The following SLC9B1 variants were observed in gnomAD, a reference collection of about 807,000 sequenced individuals.
SLC9B1 encodes sodium/hydrogen exchanger 9B1.
In SLC9B1, 32 loss-of-function variants were observed where a neutral mutation model predicts 51.7. That is an observed-to-expected ratio of 0.62 (90% confidence interval 0.47 to 0.83). SLC9B1 has a LOEUF of 0.83. SLC9B1 is among the 40% of genes least tolerant of loss of function. The pLI is 0.00. For missense variants in SLC9B1, 406 were observed against 613.2 expected, an observed-to-expected ratio of 0.66 and a Z score of 3.57; for synonymous variants, 145 against 212.7, an observed-to-expected ratio of 0.68 and a Z score of 2.77.
At chr4:103,018,760 C>T (rs1372956062) in intron 1 of SLC9B1, among the ~76,000 whole-genome samples, 1 of 152,106 alleles carries the variant, frequency 6.6e-6, no homozygotes, top group Non-Finnish European at 1.5e-5. Flanking sequence ...TTCCTTTTTC[C>T]TTCAAAAGCA....
chr4:102,993,387 T>A (rs1740050191), intron 1 of SLC9B1, among the ~76,000 whole-genome samples: 1 of 152,186 alleles, frequency 6.6e-6, no homozygotes, highest in Non-Finnish European at 1.5e-5. Flanking sequence ...AATGATCTCC[T>A]TTTACTCCAT....
At chr4:102,925,398 C>T (rs1736108257) in intron 7 of SLC9B1, among the ~76,000 whole-genome samples, 1 of 152,054 alleles carries the variant, frequency 6.6e-6, no homozygotes, top group Non-Finnish European at 1.5e-5. Context: ...ACACTGGGGC[C>T]TGTCATGGAG....
chr4:102,902,404 T>C (rs1156687604), intron 11 of SLC9B1, among the ~76,000 whole-genome samples: 1 of 152,164 alleles, frequency 6.6e-6, no homozygotes, highest in Non-Finnish European at 1.5e-5. Context: ...TAACTTTTAA[T>C]GTACTGAACG....
At chr4:102,949,808 A>G (rs1409408672) in intron 3 of SLC9B1, among the ~76,000 whole-genome samples, 3 of 151,998 alleles carry the variant, frequency 2.0e-5, no homozygotes, top group African/African-American at 7.2e-5. Context: ...TAAAAATACA[A>G]AAATTAGCCA....
At chr4:102,936,563 A>C (rs1002913592) in intron 6 of SLC9B1, among the ~76,000 whole-genome samples, 1 of 152,248 alleles carries the variant, frequency 6.6e-6, no homozygotes, top group Non-Finnish European at 1.5e-5. Context: ...AAAGAACCAA[A>C]CTAAACTGAT....
intron 11 of SLC9B1, among the ~76,000 whole-genome samples, chr4:102,901,830 C>T (rs1257936772): frequency 5.3e-5 from 8 of 152,038 alleles, no homozygotes; most frequent in Non-Finnish European, 1.0e-4. Context: ...TCTAGCAAAC[C>T]GGGTTTGAAT....
intron 11 of SLC9B1, 36 bp downstream of exon 11, chr4:102,905,478 T>C (rs4699034): frequency 0.48 from 727,114 of 1,504,538 alleles, 172,068 homozygotes; most frequent in African/African-American, 0.75. Context: ...AGCATCAAAA[T>C]GAAAGCATTA....
chr4:102,911,522 T>A lies in SLC9B1; in HGVS notation c.845A>T (p.Asn282Ile). Residue 282 changes from asparagine to isoleucine, a missense_variant, in exon 8 of 12, where the codon AAC becomes ATC. By Grantham distance (149) the Asn-to-Ile change is moderately radical (BLOSUM62 -3). Transcript: ENST00000296422. ...IVFSSGGILN[N>I]AIASIRNVCI... ...TACGTTCCTTATAGAGGCTATGGCG[T>A]TATTAAGTATACCACCTGTAGGGGC... The A allele has an allele frequency of 6.3e-7, 1 of 1,594,706 alleles. No homozygotes were observed. The highest frequency in any genetic ancestry group is 8.5e-7 in the Non-Finnish European group (1 of 1,178,032).
At chr4:102,997,521 A>G (rs1244890349) in intron 1 of SLC9B1, among the ~76,000 whole-genome samples, 2 of 152,204 alleles carry the variant, frequency 1.3e-5, no homozygotes, top group Non-Finnish European at 2.9e-5. Flanking sequence ...TTCACTTTGT[A>G]TCAGGCCTTG....
intron 7 of SLC9B1, among the ~76,000 whole-genome samples, chr4:102,930,098 A>C (rs1229472065): frequency 6.6e-6 from 1 of 152,240 alleles, no homozygotes; most frequent in Non-Finnish European, 1.5e-5. Context: ...TTCCAAGAAA[A>C]GCAATTTACA....
chr4:102,997,805 C>A (rs1437296332), intron 1 of SLC9B1, among the ~76,000 whole-genome samples: 1 of 152,126 alleles, frequency 6.6e-6, no homozygotes, highest in Non-Finnish European at 1.5e-5. Flanking sequence ...ACTTAACCTT[C>A]ACTTTTGAAA....
chr4:102,988,529 C>T (rs181040904), intron 3 of SLC9B1, among the ~76,000 whole-genome samples: 4 of 152,138 alleles, frequency 2.6e-5, no homozygotes, highest in Middle Eastern at 3.4e-3. Context: ...TTACTTATTC[C>T]ATGATGCGGC....
At chr4:102,944,188 T>A (rs182470471) in intron 6 of SLC9B1, among the ~76,000 whole-genome samples, 1 of 152,126 alleles carries the variant, frequency 6.6e-6, no homozygotes, top group Non-Finnish European at 1.5e-5. Context: ...TGAGTACACA[T>A]GGACAGAAAG....
At chr4:102,908,639 TC>T in intron 9 of SLC9B1, among the ~76,000 whole-genome samples, 1 of 152,210 alleles carries the variant, frequency 6.6e-6, no homozygotes, top group Non-Finnish European at 1.5e-5. Context: ...AAATAGTATA[TC>T]TTTGTAACGT....
At chr4:102,972,399 C>T (rs111847308) in intron 3 of SLC9B1, among the ~76,000 whole-genome samples, 3 of 152,158 alleles carry the variant, frequency 2.0e-5, no homozygotes, top group African/African-American at 7.2e-5. Flanking sequence ...AGGTGTGCCA[C>T]CATGCCCAGC....
chr4:102,895,180 A>C (rs1404484899), intron 11 of SLC9B1, among the ~76,000 whole-genome samples: 1 of 152,200 alleles, frequency 6.6e-6, no homozygotes, highest in Non-Finnish European at 1.5e-5. Context: ...ATTAAGAATA[A>C]GCAAGAGTGG....
At chr4:102,949,520 G>T in intron 3 of SLC9B1, 93 bp from the exon 4 acceptor site, 3 of 969,542 alleles carry the variant, frequency 3.1e-6, no homozygotes, top group Admixed American at 3.2e-5. Flanking sequence ...TATACTAATA[G>T]CCAGTTTTAT....
intron 1 of SLC9B1, among the ~76,000 whole-genome samples, chr4:102,991,964 GC>G: frequency 6.6e-6 from 1 of 152,158 alleles, no homozygotes; most frequent in Middle Eastern, 3.4e-3. Context: ...AGTTCATAAT[GC>G]TGGCCCATAT....
intron 3 of SLC9B1, among the ~76,000 whole-genome samples, chr4:102,978,104 C>T (rs563576296): frequency 6.6e-6 from 1 of 152,236 alleles, no homozygotes; most frequent in East Asian, 1.9e-4. Flanking sequence ...TGATGGTTTC[C>T]AGCTTCATCC....
Sources: allele counts gnomAD v4.1 joint callset (sites outside exome capture counted in the v4.1 genomes callset), GRCh38; gene constraint gnomAD v4.1.1; transcripts MANE v1.5; gene names NCBI Gene and HGNC (gene_info 2026-07-23, HGNC 2026-07-21).